Variants in CNBD1 observed in about 807,000 individuals in gnomAD.
The protein encoded by CNBD1 is cyclic nucleotide-binding domain-containing protein 1.
A neutral mutation model predicts 54.4 loss-of-function variants in CNBD1; 71 were observed. That is an observed-to-expected ratio of 1.30 (90% CI 1.08 to 1.59). The LOEUF (loss-of-function observed/expected upper bound fraction) is 1.59. CNBD1 is among the 40% of genes most tolerant of loss of function. The probability of loss-of-function intolerance (pLI) is 0.00; values close to 1 mark genes in which losing one functional copy is unlikely to be tolerated. For missense variants in CNBD1, 659 were observed against 518.0 expected, an observed-to-expected ratio of 1.27 and a Z score of -2.64; for synonymous variants, 182 against 170.7, an observed-to-expected ratio of 1.07 and a Z score of -0.51.
intron 4 of CNBD1, among the ~76,000 whole-genome samples, chr8:86,953,349 T>C (rs557929389): frequency 6.6e-6 from 1 of 152,292 alleles, no homozygotes; most frequent in African/African-American, 2.4e-5. Flanking sequence ...ATAATAATTG[T>C]CTATGAATGT....
downstream of CNBD1, among the ~76,000 whole-genome samples, chr8:87,387,170 A>T (rs529399827): frequency 6.6e-6 from 1 of 152,204 alleles, no homozygotes; most frequent in South Asian, 2.1e-4. Flanking sequence ...TGTAAAGACT[A>T]TCGAGGTTAG....
At chr8:87,173,488 C>T (rs1047833250) in intron 4 of CNBD1, among the ~76,000 whole-genome samples, 1 of 152,086 alleles carries the variant, frequency 6.6e-6, no homozygotes, top group Non-Finnish European at 1.5e-5. Flanking sequence ...TAAAATCCCT[C>T]AGCTTTTGTT....
chr8:87,239,860 C>G (rs528550244), intron 6 of CNBD1, among the ~76,000 whole-genome samples: 8 of 151,870 alleles, frequency 5.3e-5, no homozygotes, highest in African/African-American at 1.7e-4. Flanking sequence ...AAGCTGAAAG[C>G]TTTTTCATTA....
chr8:86,919,450 T>C (rs1296817654), intron 3 of CNBD1, among the ~76,000 whole-genome samples: 1 of 152,166 alleles, frequency 6.6e-6, no homozygotes, highest in Non-Finnish European at 1.5e-5. Context: ...GGTATCTGCC[T>C]TATTTGCAAA....
intron 1 of CNBD1, among the ~76,000 whole-genome samples, chr8:86,872,897 TC>T (rs1368099054): frequency 6.6e-6 from 1 of 152,160 alleles, no homozygotes; most frequent in Non-Finnish European, 1.5e-5. Context: ...TGTTTCCTTT[TC>T]TGTGCAGAAG....
At chr8:87,137,764 G>A (rs1426235961) in intron 4 of CNBD1, among the ~76,000 whole-genome samples, 1 of 152,048 alleles carries the variant, frequency 6.6e-6, no homozygotes, top group African/African-American at 2.4e-5. Context: ...GCATATGAAC[G>A]GGAAAAGTTT....
At chr8:87,366,325 G>C (rs968720317) in intron 10 of CNBD1, among the ~76,000 whole-genome samples, 1 of 151,992 alleles carries the variant, frequency 6.6e-6, no homozygotes, top group Non-Finnish European at 1.5e-5. Flanking sequence ...TCATTTCCTT[G>C]CAGCTGCAGA....
In CNBD1 at chr8:87,104,096, GAC is replaced by G. The variant is rs534176788; in HGVS notation, c.432-101893_432-101892del. 1.2e-3 allele frequency among the ~76,000 whole-genome samples: 188 copies of G among 152,300 alleles called. 1 individual carries two copies. The highest frequency in any genetic ancestry group is 5.8e-3 in the South Asian group (28 of 4,834). Reference sequence around the variant, plus strand: ...GCTAAGCATGTAACCAAATGAAAAAGACACAGTGGGAATATGGACTTTGGCAA... The same window carrying G: ...GCTAAGCATGTAACCAAATGAAAAAGACAGTGGGAATATGGACTTTGGCAA... On this transcript the variant is annotated intron_variant, in intron 4 of 10. Transcript: ENST00000518476.
intron 4 of CNBD1, among the ~76,000 whole-genome samples, chr8:87,124,865 G>A (rs920303642): frequency 6.6e-6 from 1 of 151,650 alleles, no homozygotes; most frequent in African/African-American, 2.4e-5. Flanking sequence ...AAAATTGTCT[G>A]TATTTGTTGA....
intron 4 of CNBD1, among the ~76,000 whole-genome samples, chr8:87,134,549 T>G (rs1812185857): frequency 2.0e-5 from 3 of 151,544 alleles, no homozygotes; most frequent in Admixed American, 2.0e-4. Flanking sequence ...GAACTTATTG[T>G]AATTGCCTTT....
At chr8:87,137,998 A>C (rs1812293770) in intron 4 of CNBD1, among the ~76,000 whole-genome samples, 2 of 152,132 alleles carry the variant, frequency 1.3e-5, no homozygotes, top group African/African-American at 4.8e-5. Context: ...TTATATTTCA[A>C]ATTTAACCTC....
At chr8:87,277,613 A>G (rs1808510817) in intron 6 of CNBD1, among the ~76,000 whole-genome samples, 1 of 151,734 alleles carries the variant, frequency 6.6e-6, no homozygotes, top group Non-Finnish European at 1.5e-5. Flanking sequence ...GTCAAGTATA[A>G]GAGGTCCTGA....
At position 86,977,043 on chromosome 8, in the gene CNBD1, G is replaced by A. The variant is rs568375270; in HGVS notation, c.431+37289G>A. On this transcript the variant is annotated intron_variant, in intron 4 of 10. Coordinates refer to ENST00000518476, the MANE Select transcript of CNBD1 (RefSeq NM_173538.3). Reference sequence around the variant, plus strand: ...TTCTCTTGCAAAATTGCTCTGTCTAGAATTTCCATTACTATGCTGAACAGA... The same window carrying A: ...TTCTCTTGCAAAATTGCTCTGTCTAAAATTTCCATTACTATGCTGAACAGA... Among the ~76,000 whole-genome samples the A allele has an allele frequency of 1.5e-4, 23 of 151,952 alleles. No individual in the cohort carries two copies. In the South Asian group the frequency reaches 4.6e-3, roughly 30 times the overall value.
At chr8:86,890,476 C>T (rs1431311905) in intron 2 of CNBD1, among the ~76,000 whole-genome samples, 1 of 152,016 alleles carries the variant, frequency 6.6e-6, no homozygotes, top group Non-Finnish European at 1.5e-5. Context: ...TTTTTTTAGC[C>T]GTTTATTCAC....
intron 4 of CNBD1, among the ~76,000 whole-genome samples, chr8:87,063,808 G>A (rs1207532531): frequency 6.6e-6 from 1 of 151,684 alleles, no homozygotes; most frequent in Non-Finnish European, 1.5e-5. Flanking sequence ...TCTGAAAGGA[G>A]GATTTACATA....
chr8:87,273,585 CTT>C (rs1808412968), intron 6 of CNBD1, among the ~76,000 whole-genome samples: 1 of 151,924 alleles, frequency 6.6e-6, no homozygotes. Context: ...GTTCAGGAGA[CTT>C]TATGTTGTGA....
At position 87,061,011 on chromosome 8, in the gene CNBD1, C is replaced by T. The variant is rs113243160; in HGVS notation, c.431+121257C>T. Among the ~76,000 whole-genome samples the T allele has an allele frequency of 2.8e-3, 432 of 152,252 alleles. 3 individuals are homozygous for T. The highest frequency in any genetic ancestry group is 0.01 in the African/African-American group (419 of 41,556). On this transcript the variant is annotated intron_variant, in intron 4 of 10. Coordinates refer to ENST00000518476, the MANE Select transcript of CNBD1 (RefSeq NM_173538.3). ...CCCTCAGAAAGTTAGTGACCTGGCT[C>T]ATCATGACAGCCCAGATTTCAATGG...
chr8:87,390,676 A>T (rs1811289673), intron 2 of CNBD1, among the ~76,000 whole-genome samples: 1 of 152,170 alleles, frequency 6.6e-6, no homozygotes, highest in South Asian at 2.1e-4. Context: ...TGTGGAAGTG[A>T]GTGTGATGAT....
In CNBD1 at chr8:86,883,931, C is replaced by T. The variant is rs575484237; in HGVS notation, c.89-3611C>T. Among the ~76,000 whole-genome samples, 3 of 152,182 alleles carry T rather than the reference C, an allele frequency of 2.0e-5. No individual in the cohort carries two copies. In the East Asian group the frequency reaches 5.8e-4, roughly 30 times the overall value. On this transcript the variant is annotated intron_variant, in intron 1 of 10. Transcript: ENST00000518476. ...CTTTGGGAGGCCGAGGTGGGCGGATCACGAGGTCAGGAGATCGAGACCATC... is the reference window on the plus strand; with the variant it reads ...CTTTGGGAGGCCGAGGTGGGCGGATTACGAGGTCAGGAGATCGAGACCATC...
Sources: allele counts gnomAD v4.1 joint callset (sites outside exome capture counted in the v4.1 genomes callset), GRCh38; gene constraint gnomAD v4.1.1; transcripts MANE v1.5; gene names NCBI Gene and HGNC (gene_info 2026-07-23, HGNC 2026-07-21).